Variants in ABLIM1 observed in about 807,000 individuals in gnomAD.
ABLIM1 encodes the protein actin-binding LIM protein 1.
ABLIM1 carries 40 observed loss-of-function variants against 107.0 expected under a neutral mutation model. The ratio of observed to expected loss-of-function variants is 0.37; its 90% CI spans 0.29 to 0.49. The LOEUF is 0.49. ABLIM1 is among the 20% of genes least tolerant of loss of function. The pLI is 0.97. For missense variants in ABLIM1, 857 were observed against 1,008.5 expected (o/e 0.85, Z 2.04); for synonymous variants, 357 against 357.3 (o/e 1.00, Z 0.01).
chr10:114,508,294 G>A (rs2061417449), intron 6 of ABLIM1, among the ~76,000 whole-genome samples: 1 of 152,174 alleles, frequency 6.6e-6, no homozygotes, highest in African/African-American at 2.4e-5. Context: ...GAAACCTTGG[G>A]CTGGGTTAAT....
intron 1 of ABLIM1, among the ~76,000 whole-genome samples, chr10:114,726,012 T>C (rs1230040857): frequency 6.6e-6 from 1 of 152,024 alleles, no homozygotes; most frequent in South Asian, 2.1e-4. Flanking sequence ...CCTTTGAAAG[T>C]GGTGGGATTA....
intron 4 of ABLIM1, among the ~76,000 whole-genome samples, chr10:114,564,619 C>T (rs931500885): frequency 2.6e-5 from 4 of 152,162 alleles, no homozygotes; most frequent in Admixed American, 6.5e-5. Context: ...ACCGCCTTTC[C>T]ATGAAGCGTC....
At chr10:114,779,340 T>A in the ABLIM1 span, 2 of 152,240 alleles carry the variant, frequency 1.3e-5, no homozygotes, top group African/African-American at 2.4e-5. Context: ...AGCTAGAATC[T>A]GGATACAGGT....
chr10:114,602,648 T>C (rs2076107975), intron 1 of ABLIM1, among the ~76,000 whole-genome samples: 2 of 152,176 alleles, frequency 1.3e-5, no homozygotes, highest in South Asian at 2.1e-4. Flanking sequence ...AAAAATAAAC[T>C]AGGAACAACA....
chr10:114,556,427 AG>A (rs1176192368), intron 4 of ABLIM1, among the ~76,000 whole-genome samples: 2 of 152,180 alleles, frequency 1.3e-5, no homozygotes, highest in African/African-American at 4.8e-5. Context: ...CCAGTCGGCA[AG>A]GGTTTCCATC....
chr10:114,466,354 T>C (rs939333250), intron 11 of ABLIM1, among the ~76,000 whole-genome samples: 2 of 152,104 alleles, frequency 1.3e-5, no homozygotes, highest in African/African-American at 2.4e-5. Flanking sequence ...TAAACCTTAA[T>C]AGAGATAGGG....
intron 2 of ABLIM1, among the ~76,000 whole-genome samples, chr10:114,578,165 A>G (rs927033086): frequency 5.3e-5 from 8 of 152,140 alleles, no homozygotes; most frequent in Admixed American, 3.9e-4. Flanking sequence ...GGGATGATCA[A>G]ATTAATGATC....
intron 1 of ABLIM1, among the ~76,000 whole-genome samples, chr10:114,664,864 T>C (rs1401495884): frequency 6.6e-6 from 1 of 150,620 alleles, no homozygotes; most frequent in Non-Finnish European, 1.5e-5. Flanking sequence ...TAAAAGAAAA[T>C]GTTCCACACT....
At chr10:114,484,769 C>T (rs1190439565) in intron 8 of ABLIM1, among the ~76,000 whole-genome samples, 1 of 152,186 alleles carries the variant, frequency 6.6e-6, no homozygotes, top group Admixed American at 6.5e-5. Flanking sequence ...ATCAGGTCCA[C>T]CACTTTCTCC....
At chr10:114,717,451 T>G (rs74158042) in intron 1 of ABLIM1, among the ~76,000 whole-genome samples, 8,129 of 152,116 alleles carry the variant, frequency 0.053, 336 homozygotes, top group African/African-American at 0.11. Context: ...TGTTTTGGGG[T>G]GCTATCATGC....
chr10:114,673,242 A>G (rs2080329936), intron 1 of ABLIM1, among the ~76,000 whole-genome samples: 1 of 146,012 alleles, frequency 6.8e-6, no homozygotes, highest in Non-Finnish European at 1.5e-5. Context: ...TGGGTGACAG[A>G]GCAAGACTCC....
the ABLIM1 span, among the ~76,000 whole-genome samples, chr10:114,785,807 C>T: frequency 1.3e-5 from 2 of 152,236 alleles, no homozygotes; most frequent in African/African-American, 4.8e-5. Context: ...CAGCTCACTG[C>T]AACCTCCACC....
At chr10:114,621,944 C>T (rs183283072) in intron 1 of ABLIM1, among the ~76,000 whole-genome samples, 2 of 152,334 alleles carry the variant, frequency 1.3e-5, no homozygotes, top group East Asian at 3.9e-4. Flanking sequence ...GACAGAGGGG[C>T]ATCCAATCCT....
intron 1 of ABLIM1, among the ~76,000 whole-genome samples, chr10:114,620,863 G>A (rs1416108821): frequency 1.3e-5 from 2 of 152,156 alleles, no homozygotes; most frequent in African/African-American, 2.4e-5. Context: ...TAGGATGAAG[G>A]ACAAAGTAAC....
Position 114,444,038 on chromosome 10 carries a change from T to A in ABLIM1, c.1924A>T (p.Ile642Phe). 6.2e-7 allele frequency: 1 copy of A among 1,605,470 alleles called. No homozygotes were observed. Residue 642 changes from isoleucine to phenylalanine, a missense_variant, in exon 17 of 23, where the codon ATC becomes TTC. By Grantham distance (21) the Ile-to-Phe change is conservative. Transcript: ENST00000533213. ...SLLASRYDSP[I>F]NSASHIPSSK... ...GGGGTTTGCTGCTTACCTGAGTTGA[T>A]GGGAGAATCGTAGCGACTGGCTAAC...
chr10:114,729,710 C>CTT (rs1419924677), intron 1 of ABLIM1, among the ~76,000 whole-genome samples: 1 of 152,060 alleles, frequency 6.6e-6, no homozygotes, highest in Non-Finnish European at 1.5e-5. Context: ...TCTGATGGTA[C>CTT]TGAAGTTTGC....
chr10:114,467,455 G>A (rs2065419568), intron 11 of ABLIM1, among the ~76,000 whole-genome samples: 1 of 152,170 alleles, frequency 6.6e-6, no homozygotes, highest in South Asian at 2.1e-4. Flanking sequence ...GAATTTGAGA[G>A]CAAATGGCAA....
At chr10:114,720,056 T>C (rs765617947) in intron 1 of ABLIM1, among the ~76,000 whole-genome samples, 8 of 152,160 alleles carry the variant, frequency 5.3e-5, no homozygotes, top group Non-Finnish European at 1.2e-4. Flanking sequence ...CCAGTGTGTG[T>C]TGTTTCCCTC....
At position 114,614,324 on chromosome 10, in the gene ABLIM1, C is replaced by T. The variant is rs187284210; in HGVS notation, c.245-12363G>A. Among the ~76,000 whole-genome samples the T allele has an allele frequency of 2.5e-4, 38 of 152,150 alleles. No individual in the cohort carries two copies. In the South Asian group the frequency reaches 4.4e-3, roughly 17 times the overall value. ...AAAATTAGCCAGGTGTGATGGCACA[C>T]ACCAGTAATCCCAGCTACTGGGGAG... On this transcript the variant is annotated intron_variant, in intron 1 of 22. Coordinates refer to ENST00000533213, the MANE Select transcript of ABLIM1 (RefSeq NM_002313.7).
Sources: gnomAD v4.1 joint callset for allele counts (sites outside exome capture counted in the v4.1 genomes callset) on GRCh38, gnomAD v4.1.1 for gene constraint, MANE v1.5 for transcripts, NCBI Gene and HGNC (gene_info 2026-07-23, HGNC 2026-07-21) for gene names.